NALF1: variants seen among roughly 807,000 people sequenced by gnomAD.
NALF1 encodes NALCN channel auxiliary factor 1.
Under a neutral mutation model 48.4 loss-of-function variants are expected in NALF1, and 3 were observed. The ratio of observed to expected loss-of-function variants is 0.06; its 90% CI spans 0.03 to 0.16. The LOEUF (loss-of-function observed/expected upper bound fraction) is 0.16. Among genes scored for constraint, NALF1 ranks in the 10% least tolerant of loss-of-function variants. The pLI is 1.00. For synonymous variants in NALF1, 262 were observed against 245.7 expected, an observed-to-expected ratio of 1.07 and a Z score of -0.62; for missense variants, 526 against 571.5, an observed-to-expected ratio of 0.92 and a Z score of 0.81.
intron 1 of NALF1, among the ~76,000 whole-genome samples, chr13:107,414,346 T>TCCTC (rs887876327): frequency 9.9e-5 from 15 of 151,626 alleles, no homozygotes; most frequent in Admixed American, 7.9e-4. Context: ...CTCTCTCTCC[T>TCCTC]CCTCCCTCCC....
At chr13:107,279,063 C>G (rs928161790) in intron 1 of NALF1, among the ~76,000 whole-genome samples, 2 of 55,090 alleles carry the variant, frequency 3.6e-5, no homozygotes, top group African/African-American at 1.3e-4. Flanking sequence ...TTTTTTTTTG[C>G]ACAAATTATC....
intron 1 of NALF1, among the ~76,000 whole-genome samples, chr13:107,821,342 A>G (rs1257103554): frequency 2.0e-5 from 3 of 152,204 alleles, no homozygotes; most frequent in Non-Finnish European, 4.4e-5. Context: ...TCCTACAGTT[A>G]TATGTCTTTT....
chr13:107,298,840 A>T (rs539080084), intron 1 of NALF1, among the ~76,000 whole-genome samples: 1 of 152,306 alleles, frequency 6.6e-6, no homozygotes, highest in South Asian at 2.1e-4. Flanking sequence ...GCTTTCCCTA[A>T]TGATAACAAC....
At chr13:107,516,042 G>C (rs758670458) in intron 1 of NALF1, among the ~76,000 whole-genome samples, 2 of 152,218 alleles carry the variant, frequency 1.3e-5, no homozygotes, top group African/African-American at 4.8e-5. Context: ...GACTAACTCA[G>C]TGGTTCTGAT....
chr13:107,279,671 G>C (rs923782111), intron 1 of NALF1, among the ~76,000 whole-genome samples: 1 of 152,060 alleles, frequency 6.6e-6, no homozygotes, highest in African/African-American at 2.4e-5. Context: ...TCTATCTCTA[G>C]GCACTCAACT....
chr13:107,397,198 G>C (rs1021996115), intron 1 of NALF1, among the ~76,000 whole-genome samples: 4 of 152,148 alleles, frequency 2.6e-5, no homozygotes, highest in African/African-American at 9.7e-5. Context: ...ATGCATAAGA[G>C]CCTACTTCTC....
chr13:107,524,051 T>G (rs1876346093), intron 1 of NALF1, among the ~76,000 whole-genome samples: 1 of 152,116 alleles, frequency 6.6e-6, no homozygotes, highest in Admixed American at 6.6e-5. Context: ...AAAATAATGA[T>G]GAGCTTTGAT....
At chr13:107,418,612 C>T (rs1884133605) in intron 1 of NALF1, among the ~76,000 whole-genome samples, 1 of 151,996 alleles carries the variant, frequency 6.6e-6, no homozygotes, top group African/African-American at 2.4e-5. Flanking sequence ...GGGTAAATTG[C>T]ATGTCAGTGA....
chr13:107,430,748 T>C (rs570090102), intron 1 of NALF1, among the ~76,000 whole-genome samples: 4 of 152,310 alleles, frequency 2.6e-5, no homozygotes, highest in African/African-American at 9.6e-5. Flanking sequence ...TGAATAGTGC[T>C]GCAGTAAACA....
At chr13:107,847,338 T>TA (rs1223668896) in intron 1 of NALF1, among the ~76,000 whole-genome samples, 1 of 152,186 alleles carries the variant, frequency 6.6e-6, no homozygotes, top group Non-Finnish European at 1.5e-5. Context: ...TCTGATCATC[T>TA]AAAAAATAAT....
At chr13:107,250,826 T>C (rs1200836285) in intron 1 of NALF1, among the ~76,000 whole-genome samples, 1 of 152,152 alleles carries the variant, frequency 6.6e-6, no homozygotes, top group African/African-American at 2.4e-5. Flanking sequence ...CTTGCTATTC[T>C]TGGCATAGTG....
intron 1 of NALF1, among the ~76,000 whole-genome samples, chr13:107,311,700 C>A (rs952862084): frequency 2.0e-5 from 3 of 151,908 alleles, no homozygotes; most frequent in African/African-American, 7.2e-5. Flanking sequence ...CCAGAATCTA[C>A]AATGAACTCA....
At chr13:107,259,807 T>C (rs1181947005) in intron 1 of NALF1, among the ~76,000 whole-genome samples, 1 of 152,226 alleles carries the variant, frequency 6.6e-6, no homozygotes, top group Non-Finnish European at 1.5e-5. Context: ...GTACAGCAGC[T>C]ACTTGAAAGC....
intron 1 of NALF1, among the ~76,000 whole-genome samples, chr13:107,479,025 T>C (rs1799552212): frequency 6.6e-6 from 1 of 152,134 alleles, no homozygotes; most frequent in Non-Finnish European, 1.5e-5. Context: ...TAAAAATTCT[T>C]CACATCAAAG....
intron 1 of NALF1, among the ~76,000 whole-genome samples, chr13:107,764,946 T>G (rs1328483960): frequency 6.6e-6 from 1 of 152,192 alleles, no homozygotes; most frequent in East Asian, 1.9e-4. Flanking sequence ...TCTTACTACG[T>G]GGGTTACTTT....
At chr13:107,252,626 T>C (rs61965577) in intron 1 of NALF1, among the ~76,000 whole-genome samples, 38,122 of 152,072 alleles carry the variant, frequency 0.25, 5,908 homozygotes, top group South Asian at 0.44. Flanking sequence ...TGTATTCTAA[T>C]TCCTTGCAAG....
intron 1 of NALF1, among the ~76,000 whole-genome samples, chr13:107,347,849 A>G (rs953709169): frequency 1.3e-5 from 2 of 152,218 alleles, no homozygotes; most frequent in Admixed American, 6.5e-5. Flanking sequence ...TTGGTTGTGC[A>G]TGAAATGTTC....
chr13:107,782,957 G>T (rs1251848115), intron 1 of NALF1, among the ~76,000 whole-genome samples: 2 of 147,246 alleles, frequency 1.4e-5, no homozygotes, highest in African/African-American at 5.0e-5. Context: ...CGCCCCGTCC[G>T]GGAGGGAGGT....
intron 2 of NALF1, among the ~76,000 whole-genome samples, chr13:107,194,199 T>G (rs913381577): frequency 6.6e-6 from 1 of 152,214 alleles, no homozygotes; most frequent in African/African-American, 2.4e-5. Flanking sequence ...CTGACCCACA[T>G]GCATACTTTC....
Sources: gnomAD v4.1 joint callset for allele counts (sites outside exome capture counted in the v4.1 genomes callset) on GRCh38, gnomAD v4.1.1 for gene constraint, MANE v1.5 for transcripts, NCBI Gene and HGNC (gene_info 2026-07-23, HGNC 2026-07-21) for gene names.